The following ST8SIA5 variants were observed in gnomAD, a reference collection of about 807,000 sequenced individuals.
The protein encoded by ST8SIA5 is ST8 alpha-N-acetyl-neuraminide alpha-2,8-sialyltransferase 5.
ST8SIA5 carries 24 observed loss-of-function variants against 40.2 expected under a neutral mutation model. That is an observed-to-expected ratio of 0.60 (90% confidence interval 0.43 to 0.84). ST8SIA5 has a LOEUF of 0.84. Among genes scored for constraint, ST8SIA5 ranks in the 40% least tolerant of loss-of-function variants. The pLI is 0.00. For synonymous variants in ST8SIA5, 198 were observed against 201.8 expected, an observed-to-expected ratio of 0.98 and a Z score of 0.16; for missense variants, 465 against 498.5, an observed-to-expected ratio of 0.93 and a Z score of 0.64.
Position 46,671,658 on chromosome 18 carries a change from A to C in ST8SIA5, c.*8384T>G, listed in dbSNP as rs532564451. 1 of 152,376 alleles carries C rather than the reference A, an allele frequency of 6.6e-6. No individual in the cohort carries two copies. The highest frequency in any genetic ancestry group is 2.4e-5 in the African/African-American group (1 of 41,588). 9.4% of individuals were successfully genotyped at this position (152,376 alleles called of 1,614,324 possible). On this transcript the variant is annotated 3_prime_UTR_variant, in exon 7 of 7. Transcript: ENST00000315087. ...CTAAATGCATCCTAATCTTAGGCAC[A>C]GATAAATTCTTAATTCAGGCAGACT... is the stretch of plus-strand genomic sequence containing the variant.
At chr18:46,723,880 C>T (rs1401656095) in intron 1 of ST8SIA5, among the ~76,000 whole-genome samples, 2 of 151,680 alleles carry the variant, frequency 1.3e-5, no homozygotes, top group South Asian at 2.1e-4. Flanking sequence ...GAGCTGAGAT[C>T]GTGCCATTGC....
chr18:46,726,076 C>A (rs2039926767), intron 1 of ST8SIA5, among the ~76,000 whole-genome samples: 2 of 130,676 alleles, frequency 1.5e-5, no homozygotes, highest in Admixed American at 1.6e-4. Context: ...CACCTGTAGT[C>A]CCAGCTACTT....
chr18:46,708,767 G>T (rs56350359), intron 1 of ST8SIA5, among the ~76,000 whole-genome samples: 38,786 of 152,072 alleles, frequency 0.26, 6,220 homozygotes, highest in Middle Eastern at 0.4. Context: ...CGCTCCCTCT[G>T]CCTCCTTACT....
At chr18:46,708,987 T>A (rs1025076151) in intron 1 of ST8SIA5, among the ~76,000 whole-genome samples, 1 of 152,116 alleles carries the variant, frequency 6.6e-6, no homozygotes, top group African/African-American at 2.4e-5. Context: ...AAAGCCTCAG[T>A]TTTCCCATCT....
At chr18:46,749,045 A>T (rs2040170793) in intron 1 of ST8SIA5, among the ~76,000 whole-genome samples, 1 of 152,390 alleles carries the variant, frequency 6.6e-6, no homozygotes, top group Admixed American at 6.5e-5. Flanking sequence ...TGAAGTACTG[A>T]TACATGATAT....
intron 4 of ST8SIA5, 54 bp downstream of exon 4, chr18:46,688,721 A>G: frequency 6.4e-7 from 1 of 1,566,758 alleles, no homozygotes. Flanking sequence ...ACGGAGGGCT[A>G]CTGCTGGATT....
intron 3 of ST8SIA5, 106 bp downstream of exon 3, chr18:46,692,063 G>C (rs1411755997): frequency 1.7e-6 from 2 of 1,189,396 alleles, no homozygotes; most frequent in East Asian, 4.7e-5. Context: ...CTGCTCTGGG[G>C]AAGATGCACG....
chr18:46,754,690 C>A (rs1053449393), intron 1 of ST8SIA5, among the ~76,000 whole-genome samples: 1 of 152,228 alleles, frequency 6.6e-6, no homozygotes, highest in Non-Finnish European at 1.5e-5. Flanking sequence ...AGCCCACCCA[C>A]CCAAGACCAG....
rs182650291 is a variant in ST8SIA5 at position 46,668,408 on chromosome 18, C to G, written c.*11634G>C. The G allele has an allele frequency of 1.3e-5, 2 of 152,286 alleles. No individual in the cohort carries two copies. Among genetic ancestry groups the G allele is most frequent in the Admixed American group, 6.5e-5 (1 of 15,274 alleles). 9.4% of individuals were successfully genotyped at this position (152,286 alleles called of 1,614,324 possible). On this transcript the variant is annotated 3_prime_UTR_variant, in exon 7 of 7. Coordinates refer to ENST00000315087, the MANE Select transcript of ST8SIA5 (RefSeq NM_013305.6). The stretch of plus-strand genomic sequence containing the variant: ...CAGGGGTGCCAGGAAACTGACACCA[C>G]GCCTGGGCTGAAGCCACTCCCAGGC...
At chr18:46,733,792 T>G (rs2040007946) in intron 1 of ST8SIA5, among the ~76,000 whole-genome samples, 1 of 152,092 alleles carries the variant, frequency 6.6e-6, no homozygotes, top group African/African-American at 2.4e-5. Context: ...AGGATGAGCT[T>G]TCACTGGGGC....
chr18:46,756,324 CG>C, intron 1 of ST8SIA5, 53 bp downstream of exon 1: 5 of 1,599,554 alleles, frequency 3.1e-6, no homozygotes, highest in East Asian at 2.3e-5. Flanking sequence ...CACTGCCACC[CG>C]GGGGCTCGCC....
rs1048804426 is a variant in ST8SIA5 at position 46,679,992 on chromosome 18, G to A, written c.*50C>T. The A allele has an allele frequency of 1.9e-6, 3 of 1,542,948 alleles. No homozygotes were observed. The highest frequency in any genetic ancestry group is 2.6e-6 in the Non-Finnish European group (3 of 1,141,504). ...TCGGGGCTCCCAGTTCCACCAGGAG[G>A]GACAGCAGGAGAGGGGGCGCCGCTT... On this transcript the variant is annotated 3_prime_UTR_variant, in exon 7 of 7. Transcript: ENST00000315087.
rs59660372 is a variant in ST8SIA5, at chr18:46,725,972, A to AAAATATAT, written c.132-21309_132-21308insATATATTT. 1.6e-3 allele frequency among the ~76,000 whole-genome samples: 46 copies of AAAATATAT among 29,062 alleles called. 3 individuals carry two copies. Among genetic ancestry groups the AAAATATAT allele is most frequent in the African/African-American group, 3.8e-3 (25 of 6,640 alleles). The allele number at this position is 29,062 out of a possible 152,430, so 19.1% of individuals were successfully genotyped here. On this transcript the variant is annotated intron_variant, in intron 1 of 6. Coordinates refer to ENST00000315087, the MANE Select transcript of ST8SIA5 (RefSeq NM_013305.6). ...CCCATCTCTACTTAAAAAAAAAAAA[A>AAAATATAT]ATATATATATATATATATATATATA...
intron 1 of ST8SIA5, among the ~76,000 whole-genome samples, chr18:46,755,002 C>T (rs950931721): frequency 4.6e-5 from 7 of 152,236 alleles, no homozygotes; most frequent in Admixed American, 6.5e-5. Context: ...AGCCAGGAGA[C>T]TCCGAAGATG....
chr18:46,697,892 GA>G (rs201607825), intron 2 of ST8SIA5, among the ~76,000 whole-genome samples: 1 of 149,956 alleles, frequency 6.7e-6, no homozygotes, highest in East Asian at 1.9e-4. Context: ...GATTCCAGAG[GA>G]AAAAAAAATG....
At chr18:46,692,377 C>A in intron 2 of ST8SIA5, 122 bp from the exon 3 acceptor site, 1 of 773,710 alleles carries the variant, frequency 1.3e-6, no homozygotes, top group South Asian at 1.6e-5. Flanking sequence ...TGGCCCTTGG[C>A]ATTGACCATG....
intron 1 of ST8SIA5, among the ~76,000 whole-genome samples, chr18:46,734,281 C>T (rs528308188): frequency 1.1e-4 from 16 of 152,270 alleles, no homozygotes; most frequent in African/African-American, 3.1e-4. Context: ...GGGTTTCATT[C>T]ACCAGGGTCC....
chr18:46,755,700 G>A (rs2040236784), intron 1 of ST8SIA5, among the ~76,000 whole-genome samples: 1 of 152,122 alleles, frequency 6.6e-6, no homozygotes, highest in Admixed American at 6.5e-5. Context: ...GTGGAGTAGG[G>A]GGAGAGCCCA....
intron 1 of ST8SIA5, among the ~76,000 whole-genome samples, chr18:46,711,286 G>T (rs9807683): frequency 0.27 from 41,604 of 152,050 alleles, 6,495 homozygotes; most frequent in Middle Eastern, 0.4. Flanking sequence ...CCTGATACCA[G>T]ACCATTTAAC....
Sources: gnomAD v4.1 joint callset for allele counts (sites outside exome capture counted in the v4.1 genomes callset) on GRCh38, gnomAD v4.1.1 for gene constraint, MANE v1.5 for transcripts, NCBI Gene and HGNC (gene_info 2026-07-23, HGNC 2026-07-21) for gene names.